Variants in CTNND2 observed in about 807,000 individuals in gnomAD.
The protein encoded by CTNND2 is catenin delta-2.
A neutral mutation model predicts 144.4 loss-of-function variants in CTNND2; 22 were observed. The observed-to-expected ratio is 0.15, with a 90% CI of 0.11 to 0.22. The LOEUF is 0.22. Ranked by LOEUF, CTNND2 falls within the 10% of genes least tolerant of loss-of-function variation. CTNND2 has a pLI of 1.00. For synonymous variants in CTNND2, 751 were observed against 695.6 expected (o/e 1.08, Z -1.25); for missense variants, 1,353 against 1,618.8 (o/e 0.84, Z 2.82).
At chr5:11,008,144 T>A (rs1482232364) in intron 18 of CTNND2, among the ~76,000 whole-genome samples, 3 of 152,164 alleles carry the variant, frequency 2.0e-5, no homozygotes, top group Non-Finnish European at 2.9e-5. Context: ...ATCATTACAC[T>A]CAGGCTTTTA....
chr5:10,990,540 A>G (rs1579967905), intron 19 of CTNND2, among the ~76,000 whole-genome samples: 2 of 152,246 alleles, frequency 1.3e-5, no homozygotes, highest in Non-Finnish European at 2.9e-5. Context: ...TCCCTAATAA[A>G]GGTTAGCCTT....
chr5:11,049,182 T>A (rs891985589), intron 16 of CTNND2, among the ~76,000 whole-genome samples: 3 of 152,120 alleles, frequency 2.0e-5, no homozygotes, highest in Non-Finnish European at 4.4e-5. Flanking sequence ...AAAGGGAGGA[T>A]CCTTTTTGCT....
At chr5:11,537,400 C>T (rs1460086945) in intron 3 of CTNND2, among the ~76,000 whole-genome samples, 2 of 152,050 alleles carry the variant, frequency 1.3e-5, no homozygotes, top group East Asian at 1.9e-4. Context: ...TATATAACTC[C>T]TTATACAACT....
intron 7 of CTNND2, among the ~76,000 whole-genome samples, chr5:11,376,551 G>C (rs1037053416): frequency 6.6e-6 from 1 of 152,110 alleles, no homozygotes; most frequent in Non-Finnish European, 1.5e-5. Context: ...TCTCGAGTTA[G>C]AATTTCTGGA....
chr5:11,870,467 C>CATGAGTACAATTTGCTTTGTA (rs1735007174), intron 1 of CTNND2, among the ~76,000 whole-genome samples: 2 of 152,200 alleles, frequency 1.3e-5, no homozygotes, highest in Admixed American at 1.3e-4. Context: ...GCTGTACAGT[C>CATGAGTACAATTTGCTTTGTA]AGCAAACTTG....
At chr5:11,558,871 A>G (rs1474241483) in intron 3 of CTNND2, among the ~76,000 whole-genome samples, 4 of 152,136 alleles carry the variant, frequency 2.6e-5, no homozygotes, top group Non-Finnish European at 5.9e-5. Context: ...ACGTGAGAAT[A>G]CTTACCTTGC....
chr5:11,101,590 G>A (rs1751879591), intron 14 of CTNND2, among the ~76,000 whole-genome samples: 1 of 152,180 alleles, frequency 6.6e-6, no homozygotes, highest in South Asian at 2.1e-4. Context: ...GGCTTAATCT[G>A]TAACATAATT....
intron 14 of CTNND2, among the ~76,000 whole-genome samples, chr5:11,105,067 C>T (rs763613307): frequency 1.3e-5 from 2 of 152,336 alleles, no homozygotes; most frequent in South Asian, 4.1e-4. Flanking sequence ...GCTGTCAAGG[C>T]TGCTCCATAT....
chr5:11,007,442 C>T (rs1002868442), intron 18 of CTNND2, among the ~76,000 whole-genome samples: 22 of 152,346 alleles, frequency 1.4e-4, no homozygotes, highest in Non-Finnish European at 3.1e-4. Context: ...GCTTTAACCT[C>T]GGGAACTGCT....
chr5:11,791,518 G>A (rs1791137062), intron 1 of CTNND2, among the ~76,000 whole-genome samples: 1 of 152,220 alleles, frequency 6.6e-6, no homozygotes, highest in Non-Finnish European at 1.5e-5. Context: ...GGCTACTTAT[G>A]TTGAAGATTT....
At chr5:11,208,579 T>C (rs908333067) in intron 10 of CTNND2, among the ~76,000 whole-genome samples, 1 of 152,172 alleles carries the variant, frequency 6.6e-6, no homozygotes, top group African/African-American at 2.4e-5. Context: ...CTAGAATTAG[T>C]AATAACAGGC....
chr5:11,520,614 C>G (rs538242487), intron 3 of CTNND2, among the ~76,000 whole-genome samples: 1 of 152,198 alleles, frequency 6.6e-6, no homozygotes, highest in African/African-American at 2.4e-5. Flanking sequence ...ATGAGACACG[C>G]CCAGCCCTCA....
intron 3 of CTNND2, among the ~76,000 whole-genome samples, chr5:11,545,051 G>A (rs527747922): frequency 6.9e-6 from 1 of 145,014 alleles, no homozygotes; most frequent in South Asian, 2.2e-4. Flanking sequence ...GAACCCAGGA[G>A]ACAGAGGTTG....
chr5:11,051,351 T>C (rs1745804513), intron 16 of CTNND2, among the ~76,000 whole-genome samples: 2 of 152,168 alleles, frequency 1.3e-5, no homozygotes, highest in African/African-American at 4.8e-5. Flanking sequence ...AATAAGAATA[T>C]AAAAATGGAG....
chr5:11,541,986 C>T (rs1774802172), intron 3 of CTNND2, among the ~76,000 whole-genome samples: 1 of 151,840 alleles, frequency 6.6e-6, no homozygotes, highest in East Asian at 1.9e-4. Flanking sequence ...GTTTTGTGTC[C>T]TCCCCAATTA....
At chr5:11,783,878 T>A (rs760609648) in intron 1 of CTNND2, among the ~76,000 whole-genome samples, 7 of 152,184 alleles carry the variant, frequency 4.6e-5, no homozygotes, top group Non-Finnish European at 7.3e-5. Flanking sequence ...CTGTCTCTTC[T>A]TAAGGACAAC....
At chr5:11,841,504 C>A (rs1205073411) in intron 1 of CTNND2, among the ~76,000 whole-genome samples, 1 of 152,010 alleles carries the variant, frequency 6.6e-6, no homozygotes, top group Non-Finnish European at 1.5e-5. Flanking sequence ...ACTGTTAAAA[C>A]AAAATTATGG....
At chr5:11,842,691 C>G (rs1046115850) in intron 1 of CTNND2, among the ~76,000 whole-genome samples, 4 of 149,178 alleles carry the variant, frequency 2.7e-5, no homozygotes, top group Non-Finnish European at 4.4e-5. Flanking sequence ...TGCACTCCAG[C>G]CTGGGTGACA....
In CTNND2 at chr5:11,397,022, G is replaced by A; in HGVS notation, c.612+9C>T. On this transcript the variant is annotated intron_variant, in intron 6 of 21. Coordinates refer to ENST00000304623, the MANE Select transcript of CTNND2 (RefSeq NM_001332.4). ...AGTCCACTGACACCATACAGCACTG[G>A]GTACCTACCTGGCTGAAGCTCTGGC... The A allele has an allele frequency of 1.9e-6, 3 of 1,612,154 alleles. No individual in the cohort carries two copies. Among genetic ancestry groups the A allele is most frequent in the Non-Finnish European group, 8.5e-7 (1 of 1,179,608 alleles).
Sources: gnomAD v4.1 joint callset for allele counts (sites outside exome capture counted in the v4.1 genomes callset) on GRCh38, gnomAD v4.1.1 for gene constraint, MANE v1.5 for transcripts, NCBI Gene and HGNC (gene_info 2026-07-23, HGNC 2026-07-21) for gene names.